TMEM87B: variants seen among roughly 807,000 people sequenced by gnomAD.
The protein encoded by TMEM87B is transmembrane protein 87B.
In TMEM87B, 83 loss-of-function variants were observed where a neutral mutation model predicts 80.3. The ratio of observed to expected loss-of-function variants is 1.03; its 90% CI spans 0.87 to 1.24. The LOEUF (loss-of-function observed/expected upper bound fraction) is 1.24. Ranked by LOEUF, TMEM87B falls within the 50% of genes most tolerant of loss-of-function variation. The pLI is 0.00. For synonymous variants in TMEM87B, 219 were observed against 230.5 expected (o/e 0.95, Z 0.45); for missense variants, 625 against 674.4 (o/e 0.93, Z 0.81).
chr2:112,060,337 A>G (rs966507881), intron 2 of TMEM87B, among the ~76,000 whole-genome samples: 3 of 137,302 alleles, frequency 2.2e-5, no homozygotes, highest in African/African-American at 7.9e-5. Context: ...CGACACAGTG[A>G]GACTCTGTCT....
intron 1 of TMEM87B, 36 bp downstream of exon 1, chr2:112,055,792 T>A: frequency 6.9e-7 from 1 of 1,449,944 alleles, no homozygotes; most frequent in Non-Finnish European, 9.1e-7. Context: ...GTGGCACGTC[T>A]CGGGCCGTCA....
At chr2:112,080,174 C>T (rs181048869) in intron 6 of TMEM87B, among the ~76,000 whole-genome samples, 8 of 152,096 alleles carry the variant, frequency 5.3e-5, no homozygotes, top group African/African-American at 1.7e-4. Flanking sequence ...AGTGATCTGC[C>T]CACCTTGGCC....
rs868811828 is a variant in TMEM87B, at chr2:112,084,539, C to G, written c.839-1466C>G. ...GCTGCATGATACTGCCAGGAGACCT[C>G]AGGACCATCTTTCACATCTTTCTTG... On this transcript the variant is annotated intron_variant, in intron 8 of 18. Coordinates refer to ENST00000283206, the MANE Select transcript of TMEM87B (RefSeq NM_032824.3). Among the ~76,000 whole-genome samples the G allele has an allele frequency of 5.3e-5, 8 of 152,354 alleles. No homozygotes were observed. In the Middle Eastern group the frequency reaches 0.01, roughly 194 times the overall value.
At chr2:112,101,761 A>G (rs1355059979) in intron 15 of TMEM87B, among the ~76,000 whole-genome samples, 1 of 152,212 alleles carries the variant, frequency 6.6e-6, no homozygotes, top group Non-Finnish European at 1.5e-5. Flanking sequence ...TCAAAAGTCA[A>G]CTGTAGTACA....
chr2:112,089,760 G>T (rs1375400216), intron 10 of TMEM87B, 42 bp downstream of exon 10: 4 of 1,573,114 alleles, frequency 2.5e-6, no homozygotes, highest in Non-Finnish European at 3.5e-6. Context: ...TGTTATTGCT[G>T]TGAAATGTGG....
chr2:112,073,491 T>C lies in TMEM87B; in HGVS notation c.451-1421T>C, dbSNP rs114884496. Among the ~76,000 whole-genome samples, 1,080 of 152,340 alleles carry C rather than the reference T, an allele frequency of 7.1e-3. 14 individuals are homozygous for C. The highest frequency in any genetic ancestry group is 0.025 in the African/African-American group (1,025 of 41,584). Reference sequence around the variant, plus strand: ...GTGGTTGGTATGATTTTGGTTCTTTTGCGTTTTCTGAGCATTGTTTTATTT... The same window carrying C: ...GTGGTTGGTATGATTTTGGTTCTTTCGCGTTTTCTGAGCATTGTTTTATTT... On this transcript the variant is annotated intron_variant, in intron 4 of 18. Transcript: ENST00000283206.
chr2:112,097,712 C>CA (rs68175814), intron 13 of TMEM87B, among the ~76,000 whole-genome samples: 919 of 56,916 alleles, frequency 0.016, 13 homozygotes, highest in African/African-American at 0.018. Context: ...GACTCCATCT[C>CA]AAAAAAAAAA....
At chr2:112,076,454 C>T (rs1176767177) in intron 5 of TMEM87B, among the ~76,000 whole-genome samples, 4 of 152,036 alleles carry the variant, frequency 2.6e-5, no homozygotes, top group Admixed American at 2.6e-4. Flanking sequence ...ATTCTTCTGT[C>T]TCAGCCTCCT....
intron 15 of TMEM87B, among the ~76,000 whole-genome samples, chr2:112,102,919 G>C (rs1037177440): frequency 1.3e-5 from 2 of 152,142 alleles, no homozygotes; most frequent in African/African-American, 4.8e-5. Flanking sequence ...ATACCACTTT[G>C]ATTCTGCATT....
intron 6 of TMEM87B, 102 bp from the exon 7 acceptor site, chr2:112,080,955 T>C (rs1336048165): frequency 3.1e-6 from 3 of 964,940 alleles, no homozygotes; most frequent in Admixed American, 2.0e-5. Flanking sequence ...AATTCAGCAT[T>C]TGTTAGTGTG....
Position 112,067,057 on chromosome 2 carries a change from C to A in TMEM87B, c.440C>A (p.Pro147His). 6.2e-7 allele frequency: 1 copy of A among 1,609,952 alleles called. No homozygotes were observed. Among genetic ancestry groups the A allele is most frequent in the South Asian group, 1.1e-5 (1 of 89,820 alleles). The change falls in exon 4 of 19, where the codon CCC becomes CAC. Residue 147 changes from proline (P) to histidine (H), a missense_variant. Physicochemically the swap from Pro to His is moderately conservative, Grantham distance 77. Transcript: ENST00000283206. ...TGCAACAGTGATTCACAGGTGTTTC[C>A]CTCTTTGAATGTGAGTATCTGACTT... is the stretch of plus-strand genomic sequence containing the variant. ...LDCNSDSQVFPSLNNKELINI... is the reference protein window; with the variant it reads ...LDCNSDSQVFHSLNNKELINI...
At position 112,055,427 on chromosome 2, in the gene TMEM87B, A is replaced by T; in HGVS notation, c.-165A>T. The T allele has an allele frequency of 1.3e-6, 1 of 791,148 alleles. No homozygotes were observed. Among genetic ancestry groups the T allele is most frequent in the Non-Finnish European group, 1.8e-6 (1 of 541,834 alleles). 49.0% of individuals were successfully genotyped at this position (791,148 alleles called of 1,614,324 possible). A position where few individuals can be genotyped will look rare whatever the true frequency, so the allele number is the denominator to read the frequency against. On this transcript the variant is annotated 5_prime_UTR_variant, in exon 1 of 19. Transcript: ENST00000283206. The stretch of plus-strand genomic sequence containing the variant: ...CCTCCCGGTCCTGGCCGGGTTTCCC[A>T]GAACTGCACGGCGCCTCTCCGCCCA...
chr2:112,101,899 A>C (rs1445804537), intron 15 of TMEM87B, among the ~76,000 whole-genome samples: 1 of 152,228 alleles, frequency 6.6e-6, no homozygotes, highest in Non-Finnish European at 1.5e-5. Flanking sequence ...AGACAAGTTC[A>C]TTGAAAAATA....
Position 112,117,927 on chromosome 2 carries a change from G to C in TMEM87B, c.*1784G>C, listed in dbSNP as rs1680067582. ...GAGCTGCAAATCTGGTAGAGTGGGAGTGTGGAGTTAATGGTGAGTATGTTA... is the reference window on the plus strand; with the variant it reads ...GAGCTGCAAATCTGGTAGAGTGGGACTGTGGAGTTAATGGTGAGTATGTTA... On this transcript the variant is annotated 3_prime_UTR_variant, in exon 19 of 19. Coordinates refer to ENST00000283206, the MANE Select transcript of TMEM87B (RefSeq NM_032824.3). 1 of 152,172 alleles carries C rather than the reference G, an allele frequency of 6.6e-6. No individual in the cohort carries two copies. 9.4% of individuals were successfully genotyped at this position (152,172 alleles called of 1,614,324 possible).
At chr2:112,067,418 G>C (rs893921572) in intron 4 of TMEM87B, among the ~76,000 whole-genome samples, 5 of 152,106 alleles carry the variant, frequency 3.3e-5, no homozygotes, top group Admixed American at 6.6e-5. Context: ...GACCAGCCTG[G>C]TGAAACCCCA....
chr2:112,091,959 C>A (rs1033940770), intron 11 of TMEM87B, among the ~76,000 whole-genome samples, 176 bp downstream of exon 11: 3 of 152,112 alleles, frequency 2.0e-5, no homozygotes, highest in African/African-American at 7.2e-5. Context: ...TTTATTTTTT[C>A]TATGTAGTTT....
chr2:112,063,130 T>C (rs1007738755), intron 2 of TMEM87B, among the ~76,000 whole-genome samples: 1 of 152,246 alleles, frequency 6.6e-6, no homozygotes, highest in African/African-American at 2.4e-5. Flanking sequence ...CTTCCTGTTA[T>C]TCATGATCTT....
At chr2:112,081,023 C>G in intron 6 of TMEM87B, 34 bp from the exon 7 acceptor site, 7 of 1,569,406 alleles carry the variant, frequency 4.5e-6, no homozygotes, top group East Asian at 2.2e-5. Flanking sequence ...TTAAGACTGA[C>G]TGTTAATTAA....
At position 112,119,280 on chromosome 2, in the gene TMEM87B, T is replaced by C. The variant is rs955600568; in HGVS notation, c.*3137T>C. On this transcript the variant is annotated 3_prime_UTR_variant, in exon 19 of 19. Coordinates refer to ENST00000283206, the MANE Select transcript of TMEM87B (RefSeq NM_032824.3). Reference sequence around the variant, plus strand: ...AATTGATGTATTTTGTGCCTTAATATTTTGTTCTTTTAATAAAAATGCTCT... The same window carrying C: ...AATTGATGTATTTTGTGCCTTAATACTTTGTTCTTTTAATAAAAATGCTCT... 2.6e-5 allele frequency: 4 copies of C among 152,218 alleles called. No homozygotes were observed. Among genetic ancestry groups the C allele is most frequent in the Non-Finnish European group, 5.9e-5 (4 of 68,024 alleles). 9.4% of individuals were successfully genotyped at this position (152,218 alleles called of 1,614,324 possible).
Sources: allele counts gnomAD v4.1 joint callset (sites outside exome capture counted in the v4.1 genomes callset), GRCh38; gene constraint gnomAD v4.1.1; transcripts MANE v1.5; gene names NCBI Gene and HGNC (gene_info 2026-07-23, HGNC 2026-07-21).